The following MAGI2 variants were observed in gnomAD, a reference collection of about 807,000 sequenced individuals.
The protein encoded by MAGI2 is membrane-associated guanylate kinase, WW and PDZ domain-containing protein 2.
A neutral mutation model predicts 133.3 loss-of-function variants in MAGI2; 35 were observed. That is an observed-to-expected ratio of 0.26 (90% confidence interval 0.20 to 0.35). The LOEUF is 0.35. MAGI2 is among the 10% of genes least tolerant of loss of function. MAGI2 has a pLI of 1.00. For missense variants in MAGI2, 1,636 were observed against 1,863.4 expected (o/e 0.88, Z 2.25); for synonymous variants, 729 against 710.6 (o/e 1.03, Z -0.41).
intron 9 of MAGI2, among the ~76,000 whole-genome samples, chr7:78,324,746 AG>A (rs942160061): frequency 6.6e-6 from 1 of 152,154 alleles, no homozygotes; most frequent in Non-Finnish European, 1.5e-5. Flanking sequence ...GGAACACCTG[AG>A]GTCAGGAGTT....
chr7:79,214,403 CTCTCTATATATATATATATA>C (rs1476768439), intron 1 of MAGI2, among the ~76,000 whole-genome samples: 1 of 41,466 alleles, frequency 2.4e-5, no homozygotes, highest in African/African-American at 1.1e-4. Flanking sequence ...CTCTCTCTCT[CTCTCTATATATATATATATA>C]TATATATATA....
At chr7:78,974,058 C>T (rs1284282187) in intron 2 of MAGI2, among the ~76,000 whole-genome samples, 3 of 151,740 alleles carry the variant, frequency 2.0e-5, no homozygotes. Context: ...CTTTGACCTG[C>T]TCCATACTAT....
At chr7:78,473,838 T>A (rs1360449842) in intron 6 of MAGI2, among the ~76,000 whole-genome samples, 1 of 151,750 alleles carries the variant, frequency 6.6e-6, no homozygotes, top group Non-Finnish European at 1.5e-5. Flanking sequence ...ACAGACCAAA[T>A]GAAAAAGCCC....
intron 1 of MAGI2, among the ~76,000 whole-genome samples, chr7:79,285,362 C>T (rs2129558316): frequency 6.6e-6 from 1 of 152,174 alleles, no homozygotes; most frequent in East Asian, 1.9e-4. Flanking sequence ...AGAGAGAGCT[C>T]ATACTGATTG....
At chr7:78,364,609 T>C (rs942033067) in intron 7 of MAGI2, among the ~76,000 whole-genome samples, 3 of 152,268 alleles carry the variant, frequency 2.0e-5, no homozygotes. Context: ...TACAGTTATA[T>C]GGTTTGCTTC....
intron 1 of MAGI2, among the ~76,000 whole-genome samples, chr7:79,359,669 AACACACACAC>A (rs59414419): frequency 0.039 from 5,516 of 140,096 alleles, 131 homozygotes; most frequent in African/African-American, 0.067. Context: ...TCAAGTGGGA[AACACACACAC>A]ACACACACAC....
At chr7:78,932,770 G>A (rs574125417) in intron 2 of MAGI2, among the ~76,000 whole-genome samples, 1 of 152,258 alleles carries the variant, frequency 6.6e-6, no homozygotes, top group South Asian at 2.1e-4. Flanking sequence ...AAGTAGTGGA[G>A]AAATTCATTG....
intron 1 of MAGI2, among the ~76,000 whole-genome samples, chr7:79,358,698 T>C (rs1842183754): frequency 6.6e-6 from 1 of 152,114 alleles, no homozygotes. Flanking sequence ...ACCTGCATCC[T>C]CCTAGTGATA....
chr7:79,186,227 TATATA>T (rs1562973119), intron 1 of MAGI2, among the ~76,000 whole-genome samples: 2 of 136,468 alleles, frequency 1.5e-5, no homozygotes, highest in East Asian at 2.2e-4. Context: ...TATATATATA[TATATA>T]TATATATATA....
intron 7 of MAGI2, among the ~76,000 whole-genome samples, chr7:78,347,846 G>C (rs1442310055): frequency 6.6e-6 from 1 of 152,110 alleles, no homozygotes; most frequent in East Asian, 1.9e-4. Context: ...TAATGCTCTT[G>C]TTCACCAAGG....
chr7:79,268,954 G>T (rs989830504), intron 1 of MAGI2, among the ~76,000 whole-genome samples: 2 of 152,126 alleles, frequency 1.3e-5, no homozygotes, highest in Non-Finnish European at 2.9e-5. Context: ...TGTTTAAAAA[G>T]CACTTAAACA....
At chr7:78,709,300 C>T (rs2151171321) in intron 2 of MAGI2, among the ~76,000 whole-genome samples, 1 of 151,816 alleles carries the variant, frequency 6.6e-6, no homozygotes, top group East Asian at 1.9e-4. Context: ...CCACTCCACA[C>T]ACACCTCCCT....
At chr7:78,408,551 G>C (rs1221448765) in intron 6 of MAGI2, among the ~76,000 whole-genome samples, 3 of 151,982 alleles carry the variant, frequency 2.0e-5, no homozygotes, top group Admixed American at 6.6e-5. Flanking sequence ...GCTTACTACA[G>C]TACCTACAGG....
At chr7:79,324,768 A>T (rs1339320587) in intron 1 of MAGI2, among the ~76,000 whole-genome samples, 2 of 141,126 alleles carry the variant, frequency 1.4e-5, no homozygotes, top group Non-Finnish European at 3.0e-5. Flanking sequence ...TCAGGATGTC[A>T]AGTTTCCAAA....
At position 79,374,875 on chromosome 7, in the gene MAGI2, G is replaced by A. The variant is rs535076667; in HGVS notation, c.301+78145C>T. Reference sequence around the variant, plus strand: ...AAGCTCCCTCTTTGCATTCTCATCTGCCTTTCTGGTACTCATGGGCATCAC... The same window carrying A: ...AAGCTCCCTCTTTGCATTCTCATCTACCTTTCTGGTACTCATGGGCATCAC... On this transcript the variant is annotated intron_variant, in intron 1 of 21. Coordinates refer to ENST00000354212, the MANE Select transcript of MAGI2 (RefSeq NM_012301.4). 7.2e-5 allele frequency among the ~76,000 whole-genome samples: 11 copies of A among 151,916 alleles called. No homozygotes were observed. In the South Asian group the frequency reaches 1.2e-3, roughly 17 times the overall value.
intron 1 of MAGI2, among the ~76,000 whole-genome samples, chr7:79,220,616 C>A (rs570955522): frequency 1.3e-5 from 2 of 152,084 alleles, no homozygotes; most frequent in African/African-American, 4.8e-5. Flanking sequence ...GGAGGAATAA[C>A]AGAAGAGCAG....
At chr7:78,922,058 G>T (rs964952541) in intron 2 of MAGI2, among the ~76,000 whole-genome samples, 1 of 151,948 alleles carries the variant, frequency 6.6e-6, no homozygotes, top group African/African-American at 2.4e-5. Flanking sequence ...TTATCACCAA[G>T]AAAAAGCAAC....
At chr7:79,100,442 T>C (rs1396432649) in intron 1 of MAGI2, among the ~76,000 whole-genome samples, 2 of 151,812 alleles carry the variant, frequency 1.3e-5, no homozygotes, top group Non-Finnish European at 2.9e-5. Flanking sequence ...ATTGTTTCCA[T>C]TCATATTTTT....
intron 20 of MAGI2, among the ~76,000 whole-genome samples, chr7:78,110,930 G>A (rs942412853): frequency 1.1e-4 from 17 of 152,124 alleles, no homozygotes; most frequent in African/African-American, 2.7e-4. Flanking sequence ...CTTCTGAGTC[G>A]CTCTGCCATG....
Sources: allele counts gnomAD v4.1 joint callset (sites outside exome capture counted in the v4.1 genomes callset), GRCh38; gene constraint gnomAD v4.1.1; transcripts MANE v1.5; gene names NCBI Gene and HGNC (gene_info 2026-07-23, HGNC 2026-07-21).